The following MAPK10 variants were observed in gnomAD, a reference collection of about 807,000 sequenced individuals.
The protein encoded by MAPK10 is JNK3 alpha protein kinase.
MAPK10 carries 25 observed loss-of-function variants against 59.3 expected under a neutral mutation model. The ratio of observed to expected loss-of-function variants is 0.42; its 90% CI spans 0.31 to 0.59. The LOEUF is 0.59. MAPK10 is among the 20% of genes least tolerant of loss of function. The probability of loss-of-function intolerance (pLI) is 0.15; values close to 1 mark genes in which losing one functional copy is unlikely to be tolerated. For synonymous variants in MAPK10, 190 were observed against 200.5 expected (o/e 0.95, Z 0.44); for missense variants, 351 against 568.9 (o/e 0.62, Z 3.90).
At chr4:86,069,205 C>G (rs557731086) in intron 9 of MAPK10, among the ~76,000 whole-genome samples, 1 of 152,176 alleles carries the variant, frequency 6.6e-6, no homozygotes, top group South Asian at 2.1e-4. Context: ...ATAATACAAA[C>G]AGTAGATAGG....
chr4:86,053,161 C>T (rs890470712), intron 11 of MAPK10, among the ~76,000 whole-genome samples: 1 of 152,110 alleles, frequency 6.6e-6, no homozygotes, highest in Non-Finnish European at 1.5e-5. Flanking sequence ...CTGCTGGGTA[C>T]AGAACTGATG....
intron 4 of MAPK10, among the ~76,000 whole-genome samples, chr4:86,147,916 T>C (rs1271932944): frequency 6.6e-6 from 1 of 152,232 alleles, no homozygotes; most frequent in African/African-American, 2.4e-5. Context: ...TAGTACATTT[T>C]ATGATTTGAT....
At chr4:86,368,592 G>A (rs1738270027) in intron 1 of MAPK10, among the ~76,000 whole-genome samples, 1 of 151,962 alleles carries the variant, frequency 6.6e-6, no homozygotes, top group African/African-American at 2.4e-5. Context: ...AGAATTCAAC[G>A]GTACTTTGAA....
chr4:86,444,833 G>A (rs994147196), intron 1 of MAPK10, among the ~76,000 whole-genome samples: 4 of 151,924 alleles, frequency 2.6e-5, no homozygotes, highest in Non-Finnish European at 5.9e-5. Context: ...CAACATCATT[G>A]ATCATTAGAG....
chr4:86,447,709 T>C (rs2149052278), intron 1 of MAPK10, among the ~76,000 whole-genome samples: 1 of 152,342 alleles, frequency 6.6e-6, no homozygotes, highest in South Asian at 2.1e-4. Context: ...TAAACATTTA[T>C]ATATTTTGTT....
At chr4:86,494,313 C>T (rs1022287634) in intron 1 of MAPK10, among the ~76,000 whole-genome samples, 3 of 152,154 alleles carry the variant, frequency 2.0e-5, no homozygotes, top group African/African-American at 7.2e-5. Context: ...ACATGGACAG[C>T]ATGTTCAGAG....
At chr4:86,590,947 A>C (rs1164236376) in intron 1 of MAPK10, among the ~76,000 whole-genome samples, 1 of 152,058 alleles carries the variant, frequency 6.6e-6, no homozygotes, top group African/African-American at 2.4e-5. Flanking sequence ...TGATTCTAAA[A>C]TTTTTTTTAG....
At chr4:86,589,693 A>G (rs1184633530) in intron 1 of MAPK10, among the ~76,000 whole-genome samples, 1 of 151,984 alleles carries the variant, frequency 6.6e-6, no homozygotes, top group East Asian at 1.9e-4. Flanking sequence ...AAAAAAAAAA[A>G]AAGTAAAGTA....
intron 1 of MAPK10, among the ~76,000 whole-genome samples, chr4:86,467,873 T>C (rs1420999763): frequency 6.6e-6 from 1 of 152,144 alleles, no homozygotes; most frequent in East Asian, 1.9e-4. Context: ...AGAAACTGGC[T>C]TACTGAAAAA....
chr4:86,162,374 A>G (rs1562505118), intron 3 of MAPK10, among the ~76,000 whole-genome samples: 1 of 152,004 alleles, frequency 6.6e-6, no homozygotes, highest in Non-Finnish European at 1.5e-5. Flanking sequence ...AAAAATGAGG[A>G]TGATTATCTA....
At chr4:86,126,287 T>C (rs1330215764) in intron 4 of MAPK10, among the ~76,000 whole-genome samples, 1 of 152,108 alleles carries the variant, frequency 6.6e-6, no homozygotes, top group Non-Finnish European at 1.5e-5. Flanking sequence ...CCATACTCAA[T>C]CACTATCCAG....
chr4:86,306,718 A>C (rs1304944728), intron 2 of MAPK10, among the ~76,000 whole-genome samples: 4 of 152,232 alleles, frequency 2.6e-5, no homozygotes, highest in African/African-American at 9.6e-5. Flanking sequence ...TCAAAGAAAA[A>C]TGTGGCATAT....
chr4:86,139,771 T>C (rs1437783082), intron 4 of MAPK10, among the ~76,000 whole-genome samples: 1 of 151,698 alleles, frequency 6.6e-6, no homozygotes, highest in Non-Finnish European at 1.5e-5. Context: ...GAAAATTTTC[T>C]CAACCTACTC....
chr4:86,264,535 T>C (rs1032462232), intron 2 of MAPK10, among the ~76,000 whole-genome samples: 3 of 152,234 alleles, frequency 2.0e-5, no homozygotes, highest in Admixed American at 6.5e-5. Context: ...AAAAGACTTC[T>C]TAAGTCTTCT....
chr4:86,105,759 A>G (rs1275188883), intron 5 of MAPK10, among the ~76,000 whole-genome samples: 1 of 152,058 alleles, frequency 6.6e-6, no homozygotes, highest in Non-Finnish European at 1.5e-5. Flanking sequence ...TATCATTTCT[A>G]TATTCCTTTC....
chr4:86,283,619 C>A (rs1222650840), intron 2 of MAPK10, among the ~76,000 whole-genome samples: 1 of 152,134 alleles, frequency 6.6e-6, no homozygotes, highest in East Asian at 1.9e-4. Context: ...GGGTAAAGTG[C>A]TGAGAACACT....
intron 5 of MAPK10, among the ~76,000 whole-genome samples, chr4:86,104,587 G>C (rs568549041): frequency 6.6e-6 from 1 of 152,070 alleles, no homozygotes; most frequent in South Asian, 2.1e-4. Context: ...AAAAATATTA[G>C]AGACTGTGTA....
chr4:86,012,737 T>C lies in MAPK10; in HGVS notation c.*4491A>G, dbSNP rs1251548111. The C allele has an allele frequency of 6.6e-6, 1 of 152,190 alleles. No individual in the cohort carries two copies. Among genetic ancestry groups the C allele is most frequent in the Admixed American group, 6.5e-5 (1 of 15,286 alleles). The allele number at this position is 152,190 out of a possible 1,614,324, so 9.4% of individuals were successfully genotyped here. A position where few individuals can be genotyped will look rare whatever the true frequency, so the allele number is the denominator to read the frequency against. ...CATCACTGAGGTTGCATTTTACCCATTAGACTGACTGAATTTAGTTCTCAC... is the reference window on the plus strand; with the variant it reads ...CATCACTGAGGTTGCATTTTACCCACTAGACTGACTGAATTTAGTTCTCAC... On this transcript the variant is annotated 3_prime_UTR_variant, in exon 14 of 14. Transcript: ENST00000641462.
intron 2 of MAPK10, among the ~76,000 whole-genome samples, chr4:86,263,556 C>CA (rs35565125): frequency 0.055 from 8,341 of 152,234 alleles, 245 homozygotes; most frequent in African/African-American, 0.08. Context: ...CCCTTATAGC[C>CA]ACTGCCACTT....
Sources: gnomAD v4.1 joint callset for allele counts (sites outside exome capture counted in the v4.1 genomes callset) on GRCh38, gnomAD v4.1.1 for gene constraint, MANE v1.5 for transcripts, NCBI Gene and HGNC (gene_info 2026-07-23, HGNC 2026-07-21) for gene names.